Variants in CHN2 observed in about 807,000 individuals in gnomAD.
CHN2 encodes the protein beta-chimaerin.
A neutral mutation model predicts 56.3 loss-of-function variants in CHN2; 35 were observed. The observed-to-expected ratio is 0.62, with a 90% CI of 0.47 to 0.82. The LOEUF (loss-of-function observed/expected upper bound fraction) is 0.82. Ranked by LOEUF, CHN2 falls within the 40% of genes least tolerant of loss-of-function variation. The pLI is 0.00. For missense variants in CHN2, 491 were observed against 580.5 expected (o/e 0.85, Z 1.58); for synonymous variants, 210 against 212.8 (o/e 0.99, Z 0.12).
intron 2 of CHN2, among the ~76,000 whole-genome samples, chr7:29,186,018 T>C (rs190845982): frequency 4.9e-4 from 74 of 152,318 alleles, no homozygotes; most frequent in Admixed American, 1.2e-3. Context: ...ACTGTATTGT[T>C]TGAGTAAGTT....
chr7:29,294,208 C>T (rs1792935258), intron 1 of CHN2, among the ~76,000 whole-genome samples: 2 of 152,070 alleles, frequency 1.3e-5, no homozygotes, highest in Admixed American at 6.6e-5. Context: ...TGTTGTATCT[C>T]CGGCACCTGG....
At chr7:29,236,220 A>G (rs1787186408) in intron 1 of CHN2, among the ~76,000 whole-genome samples, 1 of 152,210 alleles carries the variant, frequency 6.6e-6, no homozygotes, top group Non-Finnish European at 1.5e-5. Context: ...AATTTCTGTG[A>G]GAAGATAAAA....
chr7:29,442,930 A>ATTTTTTTTTTTTTT (rs1238691449), intron 6 of CHN2, among the ~76,000 whole-genome samples: 22 of 102,168 alleles, frequency 2.2e-4, no homozygotes, highest in Admixed American at 4.7e-4. Context: ...ATTTCATTGA[A>ATTTTTTTTTTTTTT]TTTCTTTTTT....
In CHN2 at chr7:29,173,088, G is replaced by A. The variant is rs1347585795; in HGVS notation, c.274+26128G>A. On this transcript the variant is annotated intron_variant, in intron 2 of 6. Transcript: ENST00000439384. Reference sequence around the variant, plus strand: ...AGAGGTTGCAGTGAGCTGAGATTGCGCCAATGTACTCCAGCCTGGGTGACA... The same window carrying A: ...AGAGGTTGCAGTGAGCTGAGATTGCACCAATGTACTCCAGCCTGGGTGACA... Among the ~76,000 whole-genome samples, 8 of 148,952 alleles carry A rather than the reference G, an allele frequency of 5.4e-5. No individual in the cohort carries two copies. The South Asian group carries it at 1.1e-3, about 20-fold the overall frequency.
intron 9 of CHN2, among the ~76,000 whole-genome samples, chr7:29,503,452 A>G (rs1790198517): frequency 6.6e-6 from 1 of 152,220 alleles, no homozygotes; most frequent in Non-Finnish European, 1.5e-5. Context: ...AGATGTGCTC[A>G]TATGCACCAA....
chr7:29,182,521 T>C (rs759041514), intron 2 of CHN2, among the ~76,000 whole-genome samples: 2 of 152,256 alleles, frequency 1.3e-5, no homozygotes, highest in Non-Finnish European at 2.9e-5. Context: ...TTGACAAGTT[T>C]AGTCTGTATT....
intron 2 of CHN2, among the ~76,000 whole-genome samples, chr7:29,154,469 A>T (rs1452395334): frequency 6.6e-6 from 1 of 152,178 alleles, no homozygotes; most frequent in African/African-American, 2.4e-5. Context: ...TTTCAAAAAC[A>T]TAAAAAGAGA....
At chr7:29,444,933 G>C (rs68026739) in intron 6 of CHN2, among the ~76,000 whole-genome samples, 5,750 of 152,280 alleles carry the variant, frequency 0.038, 202 homozygotes, top group African/African-American at 0.092. Flanking sequence ...GACACTTTAG[G>C]AGGATTACAA....
intron 1 of CHN2, among the ~76,000 whole-genome samples, chr7:29,327,212 G>A (rs1389501793): frequency 1.7e-4 from 26 of 152,170 alleles, no homozygotes; most frequent in Admixed American, 1.7e-3. Context: ...TAGAAGGTCG[G>A]TTTCACAGAA....
intron 2 of CHN2, among the ~76,000 whole-genome samples, chr7:29,365,370 C>A (rs890784371): frequency 1.3e-5 from 2 of 152,168 alleles, no homozygotes; most frequent in Non-Finnish European, 2.9e-5. Context: ...GCAGGACTTA[C>A]AACATGCAGG....
intron 6 of CHN2, among the ~76,000 whole-genome samples, chr7:29,436,226 C>G (rs1267234801): frequency 6.6e-6 from 1 of 152,112 alleles, no homozygotes; most frequent in Non-Finnish European, 1.5e-5. Context: ...CATCTCTCAG[C>G]AGCTCCCAGG....
chr7:29,383,424 C>A (rs1800675501), intron 3 of CHN2, among the ~76,000 whole-genome samples: 1 of 152,058 alleles, frequency 6.6e-6, no homozygotes, highest in Non-Finnish European at 1.5e-5. Flanking sequence ...TCCTCTGCCT[C>A]TTTGTTTTAT....
intron 2 of CHN2, among the ~76,000 whole-genome samples, chr7:29,165,174 G>T (rs1363283035): frequency 6.6e-6 from 1 of 152,034 alleles, no homozygotes; most frequent in Non-Finnish European, 1.5e-5. Flanking sequence ...TATAGTTTTT[G>T]ATTTATGGGC....
chr7:29,431,428 C>A (rs1051844925), intron 6 of CHN2, among the ~76,000 whole-genome samples: 2 of 152,148 alleles, frequency 1.3e-5, no homozygotes, highest in African/African-American at 4.8e-5. Context: ...TCATATTTCA[C>A]CCTTGTTCCC....
At chr7:29,349,697 G>C (rs572153596) in intron 1 of CHN2, among the ~76,000 whole-genome samples, 1 of 152,284 alleles carries the variant, frequency 6.6e-6, no homozygotes, top group South Asian at 2.1e-4. Context: ...TTAAAGGTTA[G>C]ATACATATTA....
intron 3 of CHN2, among the ~76,000 whole-genome samples, chr7:29,383,164 G>A (rs1672912017): frequency 6.6e-6 from 1 of 152,176 alleles, no homozygotes; most frequent in Non-Finnish European, 1.5e-5. Context: ...CCATTTGAAT[G>A]GAAGATATTG....
At chr7:29,210,869 G>T (rs1266706999) in intron 1 of CHN2, among the ~76,000 whole-genome samples, 1 of 152,106 alleles carries the variant, frequency 6.6e-6, no homozygotes, top group Non-Finnish European at 1.5e-5. Context: ...ATGCGAGAGT[G>T]TACCTGGTGT....
rs756199625 is a variant in CHN2, at chr7:29,194,932, G to A, written c.-10G>A. On this transcript the variant is annotated 5_prime_UTR_variant, in exon 1 of 13. Coordinates refer to ENST00000222792, the MANE Select transcript of CHN2 (RefSeq NM_004067.4). ...GGCTGAGCGAGCAGCGACGCGAGGG[G>A]CGCGCGGAGATGGCAGCGTCCAGCA... is the stretch of plus-strand genomic sequence containing the variant. The A allele has an allele frequency of 6.4e-6, 10 of 1,565,220 alleles. No homozygotes were observed. Among genetic ancestry groups the A allele is most frequent in the Admixed American group, 1.8e-5 (1 of 54,262 alleles).
chr7:29,431,908 G>A (rs554403321), intron 6 of CHN2, among the ~76,000 whole-genome samples: 1 of 152,320 alleles, frequency 6.6e-6, no homozygotes, highest in African/African-American at 2.4e-5. Context: ...GCTCAGTTAG[G>A]TGGAAATGCT....
Sources: gnomAD v4.1 joint callset for allele counts (sites outside exome capture counted in the v4.1 genomes callset) on GRCh38, gnomAD v4.1.1 for gene constraint, MANE v1.5 for transcripts, NCBI Gene and HGNC (gene_info 2026-07-23, HGNC 2026-07-21) for gene names.